MGAT4C: variants seen among roughly 807,000 people sequenced by gnomAD.
MGAT4C encodes alpha-1,3-mannosyl-glycoprotein 4-beta-N-acetylglucosaminyltransferase C.
MGAT4C carries 19 observed loss-of-function variants against 40.1 expected under a neutral mutation model. That is an observed-to-expected ratio of 0.47 (90% CI 0.33 to 0.70). MGAT4C has a LOEUF of 0.70. MGAT4C is among the 30% of genes least tolerant of loss of function. The pLI is 0.02. For synonymous variants in MGAT4C, 181 were observed against 187.1 expected, an observed-to-expected ratio of 0.97 and a Z score of 0.27; for missense variants, 491 against 563.2, an observed-to-expected ratio of 0.87 and a Z score of 1.30.
chr12:86,165,704 T>C (rs1886114592), intron 1 of MGAT4C, among the ~76,000 whole-genome samples: 1 of 152,146 alleles, frequency 6.6e-6, no homozygotes, highest in Admixed American at 6.6e-5. Flanking sequence ...AAAACGATGA[T>C]ATAAATGAGA....
At chr12:86,725,726 G>C (rs934180037) in intron 2 of MGAT4C, among the ~76,000 whole-genome samples, 1 of 151,904 alleles carries the variant, frequency 6.6e-6, no homozygotes, top group African/African-American at 2.4e-5. Flanking sequence ...GACTCTCAAA[G>C]GGCTAGGATT....
chr12:86,241,949 G>T lies in MGAT4C; in HGVS notation c.-57+14290C>A, dbSNP rs140000531. Among the ~76,000 whole-genome samples the T allele has an allele frequency of 2.5e-4, 38 of 152,172 alleles. No homozygotes were observed. The East Asian group carries it at 6.2e-3, about 25-fold the overall frequency. ...CAGCTCTCAAATCATCTGAGACTAG[G>T]GGAGGGGGGGAAATTGAGAAAATAC... On this transcript the variant is annotated intron_variant, in intron 1 of 4. Coordinates refer to ENST00000611864, the MANE Select transcript of MGAT4C (RefSeq NM_001351288.2).
At chr12:86,480,786 A>T (rs1957925016) in intron 2 of MGAT4C, among the ~76,000 whole-genome samples, 2 of 151,736 alleles carry the variant, frequency 1.3e-5, no homozygotes, top group Non-Finnish European at 3.0e-5. Context: ...ATAGGTGCTA[A>T]ATGATTTTTA....
intron 3 of MGAT4C, among the ~76,000 whole-genome samples, chr12:86,358,730 A>G (rs1237265726): frequency 6.6e-6 from 1 of 152,226 alleles, no homozygotes; most frequent in Non-Finnish European, 1.5e-5. Flanking sequence ...GAGACAAAGA[A>G]GGCCATTGCA....
chr12:86,645,272 G>C (rs1270163512), intron 2 of MGAT4C, among the ~76,000 whole-genome samples: 1 of 151,598 alleles, frequency 6.6e-6, no homozygotes, highest in Non-Finnish European at 1.5e-5. Flanking sequence ...GAAGAGGCTA[G>C]CAGGGACACT....
At chr12:86,627,774 A>C (rs941490402) in intron 2 of MGAT4C, among the ~76,000 whole-genome samples, 2 of 152,188 alleles carry the variant, frequency 1.3e-5, no homozygotes, top group African/African-American at 4.8e-5. Context: ...AGATAAAACC[A>C]CACAGATGGG....
chr12:86,232,736 A>G (rs530871762), intron 1 of MGAT4C, among the ~76,000 whole-genome samples: 1 of 152,334 alleles, frequency 6.6e-6, no homozygotes, highest in Non-Finnish European at 1.5e-5. Context: ...TATTGAATCA[A>G]TGAGTATGTG....
intron 2 of MGAT4C, among the ~76,000 whole-genome samples, chr12:86,714,338 T>C (rs189239692): frequency 2.2e-4 from 33 of 152,240 alleles, no homozygotes; most frequent in Middle Eastern, 3.4e-3. Flanking sequence ...TGACATGTGG[T>C]TAATTTACAG....
rs1053081483 is a variant in MGAT4C, at chr12:85,958,814, A to T, written c.*20475T>A. 1 of 151,464 alleles carries T rather than the reference A, an allele frequency of 6.6e-6. No homozygotes were observed. The highest frequency in any genetic ancestry group is 1.9e-4 in the East Asian group (1 of 5,190). 9.4% of individuals were successfully genotyped at this position (151,464 alleles called of 1,614,324 possible). ...ACATAAATGTATTCTTTAGAGAGTT[A>T]AAAAAAGTAGCAATAAAATACATTT... On this transcript the variant is annotated 3_prime_UTR_variant, in exon 5 of 5. Coordinates refer to ENST00000611864, the MANE Select transcript of MGAT4C (RefSeq NM_001351288.2).
At chr12:86,182,798 T>C (rs562558282) in intron 1 of MGAT4C, among the ~76,000 whole-genome samples, 28 of 152,276 alleles carry the variant, frequency 1.8e-4, no homozygotes, top group African/African-American at 6.3e-4. Context: ...AGTATGGTCA[T>C]GATATATACC....
intron 1 of MGAT4C, among the ~76,000 whole-genome samples, chr12:86,197,261 A>G (rs1382972958): frequency 6.6e-6 from 1 of 152,210 alleles, no homozygotes; most frequent in Non-Finnish European, 1.5e-5. Context: ...AGGATAATAT[A>G]AGTATTCTCT....
chr12:86,780,196 A>T (rs1361122336), intron 1 of MGAT4C, among the ~76,000 whole-genome samples: 1 of 152,230 alleles, frequency 6.6e-6, no homozygotes, highest in Non-Finnish European at 1.5e-5. Flanking sequence ...TATATAATTT[A>T]AATTCTCTAA....
chr12:86,134,918 G>A (rs1049712752), intron 1 of MGAT4C, among the ~76,000 whole-genome samples: 1 of 152,012 alleles, frequency 6.6e-6, no homozygotes, highest in Non-Finnish European at 1.5e-5. Context: ...CTTAGAAAAA[G>A]AAACTTTTCT....
chr12:86,142,065 C>T (rs1191564993), intron 1 of MGAT4C, among the ~76,000 whole-genome samples: 1 of 152,160 alleles, frequency 6.6e-6, no homozygotes, highest in African/African-American at 2.4e-5. Flanking sequence ...AACTTTATTA[C>T]TGACTCCCCT....
intron 1 of MGAT4C, among the ~76,000 whole-genome samples, chr12:86,233,573 T>G (rs1262506724): frequency 6.6e-6 from 1 of 152,136 alleles, no homozygotes; most frequent in Non-Finnish European, 1.5e-5. Context: ...GGACAATTTC[T>G]TTCTGCTACA....
intron 1 of MGAT4C, among the ~76,000 whole-genome samples, chr12:86,147,248 T>C (rs191215929): frequency 0.047 from 7,073 of 149,040 alleles, 216 homozygotes; most frequent in Middle Eastern, 0.087. Context: ...TTTATTAAAT[T>C]TTTTTTTTTT....
intron 2 of MGAT4C, among the ~76,000 whole-genome samples, chr12:86,523,170 G>C (rs1958824812): frequency 6.6e-6 from 1 of 151,628 alleles, no homozygotes; most frequent in East Asian, 1.9e-4. Flanking sequence ...GCTTTGTGTT[G>C]TGTGTGATGT....
intron 1 of MGAT4C, among the ~76,000 whole-genome samples, chr12:86,084,098 G>T (rs1871314968): frequency 6.6e-6 from 1 of 152,046 alleles, no homozygotes; most frequent in Non-Finnish European, 1.5e-5. Context: ...GTAAAATATT[G>T]TCCTAGGAAC....
intron 4 of MGAT4C, among the ~76,000 whole-genome samples, chr12:86,265,843 G>A (rs1324098667): frequency 1.3e-5 from 2 of 151,966 alleles, no homozygotes; most frequent in East Asian, 3.9e-4. Flanking sequence ...TTTCACCAAA[G>A]ATCTTTTACT....
Sources: allele counts gnomAD v4.1 joint callset (sites outside exome capture counted in the v4.1 genomes callset), GRCh38; gene constraint gnomAD v4.1.1; transcripts MANE v1.5; gene names NCBI Gene and HGNC (gene_info 2026-07-23, HGNC 2026-07-21).